The following ZCCHC17 variants were observed in gnomAD, a reference collection of about 807,000 sequenced individuals.
The protein encoded by ZCCHC17 is zinc finger CCHC domain-containing protein 17.
In ZCCHC17, 18 loss-of-function variants were observed where a neutral mutation model predicts 30.6. The ratio of observed to expected loss-of-function variants is 0.59; its 90% confidence interval spans 0.41 to 0.87. The LOEUF is 0.87. ZCCHC17 is among the 40% of genes least tolerant of loss of function. ZCCHC17 has a pLI of 0.00. For missense variants in ZCCHC17, 263 were observed against 284.2 expected (o/e 0.93, Z 0.54); for synonymous variants, 88 against 92.4 (o/e 0.95, Z 0.27).
chr1:31,301,896 G>C (rs1323748427), intron 1 of ZCCHC17, among the ~76,000 whole-genome samples: 2 of 152,136 alleles, frequency 1.3e-5, no homozygotes, highest in African/African-American at 4.8e-5. Context: ...TCTAGAATTT[G>C]GTGGGAGGGA....
At chr1:31,333,468 A>G (rs1467546941) in intron 3 of ZCCHC17, among the ~76,000 whole-genome samples, 1 of 152,186 alleles carries the variant, frequency 6.6e-6, no homozygotes, top group Non-Finnish European at 1.5e-5. Context: ...GGTTGCAGTG[A>G]GCAGAGATTG....
chr1:31,342,694 A>G lies in ZCCHC17; in HGVS notation c.317+3646A>G, dbSNP rs566234468. 2.0e-5 allele frequency among the ~76,000 whole-genome samples: 3 copies of G among 152,296 alleles called. No individual in the cohort carries two copies. In the South Asian group the frequency reaches 6.2e-4, roughly 32 times the overall value. ...CTTCACCTGCTGCTCACCTCCTGCT[A>G]TGCAGCTTGGTTCCTAACAGGCCAT... is the stretch of plus-strand genomic sequence containing the variant. On this transcript the variant is annotated intron_variant, in intron 5 of 7. Coordinates refer to ENST00000344147, the MANE Select transcript of ZCCHC17 (RefSeq NM_016505.4).
chr1:31,345,512 A>ATACTTATGTATGTTGGTATGTTC (rs1442803790), intron 5 of ZCCHC17, among the ~76,000 whole-genome samples: 80 of 91,394 alleles, frequency 8.8e-4, no homozygotes, highest in African/African-American at 2.5e-3. Context: ...CAAATTATGA[A>ATACTTATGTATGTTGGTATGTTC]AAATCAAGTG....
intron 7 of ZCCHC17, among the ~76,000 whole-genome samples, chr1:31,354,579 G>T: frequency 6.6e-6 from 1 of 152,066 alleles, no homozygotes; most frequent in East Asian, 1.9e-4. Flanking sequence ...ACCTTTTAGA[G>T]GTAAATGGTA....
Position 31,319,162 on chromosome 1 carries a change from G to C in ZCCHC17, c.120G>C (p.Lys40Asn). The C allele has an allele frequency of 6.2e-7, 1 of 1,610,452 alleles. No individual in the cohort carries two copies. The highest frequency in any genetic ancestry group is 8.5e-7 in the Non-Finnish European group (1 of 1,177,340). The change falls in exon 3 of 8, where the codon AAG becomes AAC. Residue 40 changes from lysine (K) to asparagine (N), a missense_variant. Transcript: ENST00000344147. ...GAFIKIPGCR[K>N]QGLVHRTHMS... ...TTATCAAAATCCCAGGCTGTCGGAA[G>C]CAAGGTAGGAGTTTATAACTTGAAA...
chr1:31,346,601 T>A (rs1193008856), intron 5 of ZCCHC17, 39 bp from the exon 6 acceptor site: 1 of 1,577,008 alleles, frequency 6.3e-7, no homozygotes, highest in South Asian at 1.2e-5. Context: ...TGGCCATATC[T>A]CTTAAGGGGG....
intron 1 of ZCCHC17, among the ~76,000 whole-genome samples, chr1:31,302,923 T>C (rs1369547898): frequency 6.6e-6 from 1 of 152,122 alleles, no homozygotes; most frequent in East Asian, 1.9e-4. Context: ...GAAATTTGGG[T>C]GAGGACACAA....
At chr1:31,322,040 G>A (rs1366629716) in intron 3 of ZCCHC17, among the ~76,000 whole-genome samples, 2 of 152,178 alleles carry the variant, frequency 1.3e-5, no homozygotes, top group African/African-American at 4.8e-5. Flanking sequence ...TACACATGTG[G>A]TAAAATTACG....
chr1:31,345,143 A>G (rs1240869431), intron 5 of ZCCHC17, among the ~76,000 whole-genome samples: 1 of 121,530 alleles, frequency 8.2e-6, no homozygotes, highest in Non-Finnish European at 2.0e-5. Flanking sequence ...GATGCTGGCA[A>G]TGTTCTGTTT....
chr1:31,300,165 T>G (rs1470320636), intron 1 of ZCCHC17, among the ~76,000 whole-genome samples: 4 of 152,176 alleles, frequency 2.6e-5, no homozygotes, highest in African/African-American at 9.7e-5. Flanking sequence ...GCTCCAGTGA[T>G]CCTCCCACCT....
At chr1:31,331,578 C>A (rs1029992297) in intron 3 of ZCCHC17, among the ~76,000 whole-genome samples, 2 of 151,754 alleles carry the variant, frequency 1.3e-5, no homozygotes, top group Non-Finnish European at 2.9e-5. Context: ...TTATTTATGG[C>A]AGAAATGAAT....
intron 1 of ZCCHC17, among the ~76,000 whole-genome samples, chr1:31,308,845 TC>T (rs1329776252): frequency 6.6e-6 from 1 of 152,198 alleles, no homozygotes; most frequent in East Asian, 1.9e-4. Context: ...TTCACATAAT[TC>T]AGAAATAGTT....
intron 3 of ZCCHC17, 69 bp downstream of exon 3, chr1:31,319,235 T>TTA: frequency 7.7e-7 from 1 of 1,292,910 alleles, no homozygotes; most frequent in Non-Finnish European, 1.1e-6. Flanking sequence ...CACCTCCTAA[T>TTA]TATAGGCTGT....
intron 1 of ZCCHC17, among the ~76,000 whole-genome samples, chr1:31,300,467 C>T (rs972065983): frequency 1.9e-4 from 29 of 152,120 alleles, no homozygotes; most frequent in Admixed American, 4.6e-4. Context: ...TGCAATACAT[C>T]CCTTTCTGCT....
At chr1:31,302,949 G>A (rs113701816) in intron 1 of ZCCHC17, among the ~76,000 whole-genome samples, 2,144 of 152,248 alleles carry the variant, frequency 0.014, 19 homozygotes, top group Non-Finnish European at 0.018. Flanking sequence ...AACCATATTC[G>A]ATTGTGAATT....
intron 1 of ZCCHC17, among the ~76,000 whole-genome samples, chr1:31,304,484 G>T (rs1004213214): frequency 1.3e-5 from 2 of 151,322 alleles, no homozygotes; most frequent in African/African-American, 4.9e-5. Flanking sequence ...GGGTTTCATC[G>T]TGTTGCCCAG....
At chr1:31,338,054 C>T (rs1569865166) in intron 4 of ZCCHC17, among the ~76,000 whole-genome samples, 1 of 151,856 alleles carries the variant, frequency 6.6e-6, no homozygotes. Flanking sequence ...ACTGCAACCT[C>T]AGCCTCCTGG....
chr1:31,329,076 G>A (rs970326136), intron 3 of ZCCHC17, among the ~76,000 whole-genome samples: 6 of 152,118 alleles, frequency 3.9e-5, no homozygotes, highest in Non-Finnish European at 8.8e-5. Flanking sequence ...GCTATCTAGG[G>A]ATCCCACTCT....
intron 3 of ZCCHC17, among the ~76,000 whole-genome samples, chr1:31,334,292 C>G (rs2148448497): frequency 7.7e-6 from 1 of 129,814 alleles, no homozygotes; most frequent in African/African-American, 2.7e-5. Flanking sequence ...CATCTGCAGG[C>G]ATCCATGTGC....
Sources: allele counts gnomAD v4.1 joint callset (sites outside exome capture counted in the v4.1 genomes callset), GRCh38; gene constraint gnomAD v4.1.1; transcripts MANE v1.5; gene names NCBI Gene and HGNC (gene_info 2026-07-23, HGNC 2026-07-21).